The following STARD13 variants were observed in gnomAD, a reference collection of about 807,000 sequenced individuals.
STARD13 encodes stAR-related lipid transfer protein 13.
A neutral mutation model predicts 106.4 loss-of-function variants in STARD13; 62 were observed. The ratio of observed to expected loss-of-function variants is 0.58; its 90% CI spans 0.48 to 0.72. STARD13 has a LOEUF of 0.72. Among genes scored for constraint, STARD13 ranks in the 30% least tolerant of loss-of-function variants. STARD13 has a pLI of 0.00. For synonymous variants in STARD13, 565 were observed against 553.0 expected (o/e 1.02, Z -0.31); for missense variants, 1,387 against 1,424.0 (o/e 0.97, Z 0.42).
intron 1 of STARD13, among the ~76,000 whole-genome samples, chr13:33,228,399 C>A (rs1028117334): frequency 6.6e-6 from 1 of 151,828 alleles, no homozygotes; most frequent in Non-Finnish European, 1.5e-5. Context: ...TCATAAAAAT[C>A]ATTGATAAAA....
the STARD13 span, among the ~76,000 whole-genome samples, chr13:33,526,189 T>A: frequency 6.6e-6 from 1 of 152,056 alleles, no homozygotes; most frequent in African/African-American, 2.4e-5. Flanking sequence ...TATTAAACCA[T>A]CCTTATGCTT....
the STARD13 span, among the ~76,000 whole-genome samples, chr13:33,473,247 C>T: frequency 6.6e-6 from 1 of 152,148 alleles, no homozygotes; most frequent in Non-Finnish European, 1.5e-5. Flanking sequence ...TATGAAGGCC[C>T]TATAATGGGG....
At chr13:33,298,248 G>T (rs1278275610) in intron 1 of STARD13, among the ~76,000 whole-genome samples, 2 of 146,346 alleles carry the variant, frequency 1.4e-5, no homozygotes, top group Admixed American at 7.1e-5. Context: ...TCCTGCCTTA[G>T]CCTCCCAAGT....
chr13:33,461,415 A>G, the STARD13 span, among the ~76,000 whole-genome samples: 6 of 152,300 alleles, frequency 3.9e-5, no homozygotes, highest in East Asian at 9.7e-4. Context: ...TAATCCTCAT[A>G]CCAGCCACAT....
At chr13:33,624,696 T>C in the STARD13 span, among the ~76,000 whole-genome samples, 3 of 152,238 alleles carry the variant, frequency 2.0e-5, no homozygotes, top group Admixed American at 6.5e-5. Context: ...GTCTGTTAAA[T>C]AGCAAGTGAG....
intron 1 of STARD13, among the ~76,000 whole-genome samples, chr13:33,220,641 A>G (rs1888305778): frequency 6.6e-6 from 1 of 152,148 alleles, no homozygotes; most frequent in Non-Finnish European, 1.5e-5. Context: ...GCAGTGAGCC[A>G]AGATTGTGCC....
At position 33,104,019 on chromosome 13, in the gene STARD13, A is replaced by G. The variant is rs1044892619; in HGVS notation, c.*1574T>C. The G allele has an allele frequency of 6.6e-6, 1 of 152,244 alleles. No homozygotes were observed. Among genetic ancestry groups the G allele is most frequent in the Non-Finnish European group, 1.5e-5 (1 of 68,046 alleles). 9.4% of individuals were successfully genotyped at this position (152,244 alleles called of 1,614,324 possible). On this transcript the variant is annotated 3_prime_UTR_variant, in exon 14 of 14. Coordinates refer to ENST00000336934, the MANE Select transcript of STARD13 (RefSeq NM_178006.4). ...CATAGAAAGCTTTTTTATTCCTCTC[A>G]ATAAAATAATTGCACATTGCTGATA...
At chr13:33,480,080 T>C in the STARD13 span, among the ~76,000 whole-genome samples, 4 of 152,308 alleles carry the variant, frequency 2.6e-5, no homozygotes, top group Non-Finnish European at 4.4e-5. Flanking sequence ...AAGGAATGTA[T>C]AGTGTATTAT....
the STARD13 span, among the ~76,000 whole-genome samples, chr13:33,541,077 A>T: frequency 6.6e-6 from 1 of 152,208 alleles, no homozygotes; most frequent in Non-Finnish European, 1.5e-5. Context: ...GTGAAGGGCT[A>T]TGTTACTGTA....
the STARD13 span, among the ~76,000 whole-genome samples, chr13:33,473,644 C>T: frequency 6.6e-6 from 1 of 152,184 alleles, no homozygotes; most frequent in African/African-American, 2.4e-5. Flanking sequence ...TAATGCATTG[C>T]TTATGGTTCA....
the STARD13 span, among the ~76,000 whole-genome samples, chr13:33,635,611 G>A: frequency 6.6e-6 from 1 of 151,818 alleles, no homozygotes; most frequent in Non-Finnish European, 1.5e-5. Flanking sequence ...AGTGAGCTGA[G>A]ATTGTGCCAC....
intron 1 of STARD13, among the ~76,000 whole-genome samples, chr13:33,301,135 G>A (rs1012363624): frequency 2.0e-5 from 3 of 152,220 alleles, no homozygotes; most frequent in African/African-American, 7.2e-5. Context: ...TAGGGACCAT[G>A]TGTCTTTCTG....
At chr13:33,534,522 T>C in the STARD13 span, among the ~76,000 whole-genome samples, 2 of 152,236 alleles carry the variant, frequency 1.3e-5, no homozygotes, top group African/African-American at 2.4e-5. Flanking sequence ...TTATCCTTGT[T>C]TTAAAGATAT....
At chr13:33,399,427 G>A in the STARD13 span, among the ~76,000 whole-genome samples, 2 of 152,098 alleles carry the variant, frequency 1.3e-5, no homozygotes, top group Non-Finnish European at 2.9e-5. Context: ...AGGCATGGTG[G>A]TTCACACCTG....
the STARD13 span, among the ~76,000 whole-genome samples, chr13:33,414,016 G>GAGT: frequency 7.6e-6 from 1 of 131,012 alleles, no homozygotes; most frequent in African/African-American, 3.2e-5. Flanking sequence ...CTCAGGGACA[G>GAGT]AGTGAGATTC....
intron 1 of STARD13, among the ~76,000 whole-genome samples, chr13:33,314,391 A>G (rs1893252182): frequency 6.6e-6 from 1 of 152,204 alleles, no homozygotes; most frequent in Non-Finnish European, 1.5e-5. Context: ...GCAGGACTAC[A>G]GCCACGGTGG....
At chr13:33,549,894 G>A in the STARD13 span, among the ~76,000 whole-genome samples, 1 of 152,260 alleles carries the variant, frequency 6.6e-6, no homozygotes, top group African/African-American at 2.4e-5. Flanking sequence ...ATGCACAACT[G>A]TGTATTTGTC....
At chr13:33,497,251 T>A in the STARD13 span, among the ~76,000 whole-genome samples, 1 of 152,162 alleles carries the variant, frequency 6.6e-6, no homozygotes, top group African/African-American at 2.4e-5. Flanking sequence ...GTGCTAAATA[T>A]TAAGATGTAA....
At chr13:33,407,120 G>A in the STARD13 span, among the ~76,000 whole-genome samples, 8 of 152,146 alleles carry the variant, frequency 5.3e-5, no homozygotes, top group South Asian at 6.2e-4. Context: ...TTTAACCCAC[G>A]GTCCAGCAGC....
Sources: gnomAD v4.1 joint callset for allele counts (sites outside exome capture counted in the v4.1 genomes callset) on GRCh38, gnomAD v4.1.1 for gene constraint, MANE v1.5 for transcripts, NCBI Gene and HGNC (gene_info 2026-07-23, HGNC 2026-07-21) for gene names.